The following DIS3L2 variants were observed in gnomAD, a reference collection of about 807,000 sequenced individuals.
The protein encoded by DIS3L2 is DIS3-like exonuclease 2.
A neutral mutation model predicts 97.5 loss-of-function variants in DIS3L2; 34 were observed. The observed-to-expected ratio is 0.35, with a 90% CI of 0.27 to 0.46. The LOEUF (loss-of-function observed/expected upper bound fraction) is 0.46. Among genes scored for constraint, DIS3L2 ranks in the 20% least tolerant of loss-of-function variants. The probability of loss-of-function intolerance (pLI) is 1.00; values close to 1 mark genes in which losing one functional copy is unlikely to be tolerated. For synonymous variants in DIS3L2, 435 were observed against 445.2 expected (o/e 0.98, Z 0.29); for missense variants, 1,038 against 1,146.0 (o/e 0.91, Z 1.36).
intron 5 of DIS3L2, among the ~76,000 whole-genome samples, chr2:232,042,110 A>G (rs1695124498): frequency 1.3e-5 from 2 of 152,300 alleles, no homozygotes; most frequent in Non-Finnish European, 2.9e-5. Context: ...TTGAGTCTGA[A>G]AGAATAAAGG....
intron 6 of DIS3L2, among the ~76,000 whole-genome samples, chr2:232,108,600 G>A (rs1215677401): frequency 5.3e-5 from 8 of 152,226 alleles, no homozygotes; most frequent in Non-Finnish European, 1.0e-4. Context: ...TAGGAAGAGA[G>A]GAAGTCAAAC....
At chr2:232,294,807 G>A (rs1217430657) in intron 13 of DIS3L2, among the ~76,000 whole-genome samples, 8 of 152,184 alleles carry the variant, frequency 5.3e-5, no homozygotes, top group Admixed American at 2.6e-4. Flanking sequence ...GGTAGGAACC[G>A]GCTTTGCAGG....
chr2:232,329,785 T>TCCCGGGGGGGGGGGCCCCCCC, intron 14 of DIS3L2, 28 bp from the exon 15 acceptor site: 1 of 967,144 alleles, frequency 1.0e-6, no homozygotes, highest in Non-Finnish European at 1.5e-6. Flanking sequence ...ACCCCAGCGG[T>TCCCGGGGGGGGGGGCCCCCCC]CCCTCCCATC....
chr2:232,304,386 A>C lies in DIS3L2; in HGVS notation c.1739+4267A>C, dbSNP rs1694935253. 1.3e-5 allele frequency among the ~76,000 whole-genome samples: 2 copies of C among 152,206 alleles called. 1 individual carries two copies. The highest frequency in any genetic ancestry group is 4.8e-5 in the African/African-American group (2 of 41,450). On this transcript the variant is annotated intron_variant, in intron 14 of 20. Transcript: ENST00000325385. ...AGTGTGTTACATGGGGGAGGCAAAG[A>C]TACGTTAGACCCAGTGCATGCCCTC...
chr2:232,037,457 T>G lies in DIS3L2; in HGVS notation c.366+7377T>G, dbSNP rs1694981749. ...AGCAAGAATTTCAAACCAGTGGATC[T>G]TAGCTTGCTGGGCTCCATGAGGGTG... On this transcript the variant is annotated intron_variant, in intron 5 of 20. Coordinates refer to ENST00000325385, the MANE Select transcript of DIS3L2 (RefSeq NM_152383.5). The surrounding 1 kb of genome is among the most constrained non-coding windows in gnomAD (Gnocchi z 4.6). 6.6e-6 allele frequency among the ~76,000 whole-genome samples: 1 copy of G among 152,220 alleles called. No individual in the cohort carries two copies. The highest frequency in any genetic ancestry group is 2.4e-5 in the African/African-American group (1 of 41,452).
intron 2 of DIS3L2, 92 bp from the exon 3 acceptor site, chr2:232,015,422 T>G: frequency 6.7e-7 from 1 of 1,499,594 alleles, no homozygotes; most frequent in African/African-American, 1.4e-5. Flanking sequence ...GTTGGTCTCT[T>G]TAAATAATAA....
intron 1 of DIS3L2, among the ~76,000 whole-genome samples, chr2:231,988,245 T>C (rs1214874324): frequency 1.3e-5 from 2 of 152,208 alleles, no homozygotes; most frequent in African/African-American, 2.4e-5. Context: ...ACGTGGAAAA[T>C]CTAGAATTTT....
At chr2:232,080,698 C>T (rs1040654891) in intron 5 of DIS3L2, among the ~76,000 whole-genome samples, 1 of 151,582 alleles carries the variant, frequency 6.6e-6, no homozygotes, top group Non-Finnish European at 1.5e-5. Flanking sequence ...CTCAGGAGTT[C>T]GAGACCAGCC....
chr2:232,172,029 G>A lies in DIS3L2; in HGVS notation c.1124+8397G>A, dbSNP rs569455935. 5.0e-4 allele frequency among the ~76,000 whole-genome samples: 76 copies of A among 152,136 alleles called. 2 individuals are homozygous for A. Among genetic ancestry groups the A allele is most frequent in the Non-Finnish European group, 9.6e-4 (65 of 68,022 alleles). On this transcript the variant is annotated intron_variant, in intron 9 of 20. Transcript: ENST00000325385. Reference sequence around the variant, plus strand: ...TTTCTACATCTTCTAAATAAAATCTGTTTGGAAATTATACTATAATGATAT... The same window carrying A: ...TTTCTACATCTTCTAAATAAAATCTATTTGGAAATTATACTATAATGATAT...
chr2:232,124,189 C>G (rs532784048), intron 6 of DIS3L2, among the ~76,000 whole-genome samples: 2 of 152,124 alleles, frequency 1.3e-5, no homozygotes, highest in East Asian at 1.9e-4. Flanking sequence ...ACTTCAAAGA[C>G]AAGAACCATA....
At chr2:232,078,684 T>C (rs6750790) in intron 5 of DIS3L2, among the ~76,000 whole-genome samples, 15,904 of 152,266 alleles carry the variant, frequency 0.1, 1,948 homozygotes, top group African/African-American at 0.29. Context: ...TACTTAATTA[T>C]GCAAGTTTCT....
intron 12 of DIS3L2, among the ~76,000 whole-genome samples, chr2:232,250,992 G>A (rs1016918812): frequency 1.3e-5 from 2 of 152,190 alleles, no homozygotes; most frequent in Non-Finnish European, 2.9e-5. Flanking sequence ...AGCTTTTTAG[G>A]ATTTCATTTC....
intron 13 of DIS3L2, among the ~76,000 whole-genome samples, chr2:232,264,747 T>C (rs1693811034): frequency 6.6e-6 from 1 of 152,234 alleles, no homozygotes; most frequent in African/African-American, 2.4e-5. Context: ...ATCCTCCCTT[T>C]TGCAACAGAC....
chr2:232,335,830 C>T lies in DIS3L2; in HGVS notation c.2452C>T (p.Leu818=). The change falls in exon 20 of 21, where the codon CTG becomes TTG. Residue 818 remains leucine, a synonymous_variant. Coordinates refer to ENST00000325385, the MANE Select transcript of DIS3L2 (RefSeq NM_152383.5). ...QKVGKKPELT[L]VWEPEDMEQE... ...GGTGGGCAAGAAGCCGGAACTCACG[C>T]TGGTCTGGGAGCCTGAGGACATGGA... 6.4e-7 allele frequency: 1 copy of T among 1,550,948 alleles called. No homozygotes were observed. The highest frequency in any genetic ancestry group is 2.4e-5 in the East Asian group (1 of 40,944).
rs551607845 is a variant in DIS3L2, at chr2:232,034,433, AT to A, written c.366+4360del. 8.6e-3 allele frequency among the ~76,000 whole-genome samples: 1,313 copies of A among 152,078 alleles called. 17 individuals carry two copies. Among genetic ancestry groups the A allele is most frequent in the African/African-American group, 0.03 (1,229 of 41,482 alleles). On this transcript the variant is annotated intron_variant, in intron 5 of 20. Coordinates refer to ENST00000325385, the MANE Select transcript of DIS3L2 (RefSeq NM_152383.5). ...AAAAAACCAGCTCCTGGACTCATTG[AT>A]TTTTTTGAATGGTTTTTCATGTCTC...
At chr2:232,330,078 C>A in intron 15 of DIS3L2, 82 bp downstream of exon 15, 1 of 1,483,156 alleles carries the variant, frequency 6.7e-7, no homozygotes, top group Non-Finnish European at 9.0e-7. Context: ...GTCCAGCGGC[C>A]TCTGCTTCCC....
At chr2:232,022,716 C>CT (rs1372622767) in intron 3 of DIS3L2, among the ~76,000 whole-genome samples, 1 of 152,194 alleles carries the variant, frequency 6.6e-6, no homozygotes. Context: ...ATGGTAGAGA[C>CT]TGTCTGTTGT....
intron 11 of DIS3L2, among the ~76,000 whole-genome samples, chr2:232,244,906 C>CCCAGCAGTTTTCTCTGT (rs1202137444): frequency 1.3e-5 from 2 of 152,260 alleles, no homozygotes; most frequent in South Asian, 2.1e-4. Flanking sequence ...CTCCACACGG[C>CCCAGCAGTTTTCTCTGT]CCAGCAGTTT....
intron 6 of DIS3L2, among the ~76,000 whole-genome samples, chr2:232,128,599 C>T (rs904880042): frequency 6.6e-5 from 10 of 150,982 alleles, no homozygotes; most frequent in East Asian, 2.0e-4. Flanking sequence ...GGACTATAGG[C>T]GAGCACTACC....
Sources: gnomAD v4.1 joint callset for allele counts (sites outside exome capture counted in the v4.1 genomes callset) on GRCh38, gnomAD v4.1.1 for gene constraint, Gnocchi (gnomAD v3.1) non-coding constraint, MANE v1.5 for transcripts, NCBI Gene and HGNC (gene_info 2026-07-23, HGNC 2026-07-21) for gene names.